The following DSCAM variants were observed in gnomAD, a reference collection of about 807,000 sequenced individuals.
DSCAM encodes DS cell adhesion molecule.
Under a neutral mutation model 217.7 loss-of-function variants are expected in DSCAM, and 47 were observed. The ratio of observed to expected loss-of-function variants is 0.22; its 90% CI spans 0.17 to 0.28. The LOEUF is 0.28. Among genes scored for constraint, DSCAM ranks in the 10% least tolerant of loss-of-function variants. The pLI is 1.00. For missense variants in DSCAM, 2,080 were observed against 2,618.3 expected (o/e 0.79, Z 4.49); for synonymous variants, 1,056 against 1,015.3 (o/e 1.04, Z -0.76).
intron 1 of DSCAM, among the ~76,000 whole-genome samples, chr21:40,735,220 C>T (rs2091051296): frequency 6.6e-6 from 1 of 152,190 alleles, no homozygotes; most frequent in Non-Finnish European, 1.5e-5. Context: ...GCTTGCATTT[C>T]TAACACCTAG....
chr21:40,600,840 T>C (rs2077056730), intron 3 of DSCAM, among the ~76,000 whole-genome samples: 1 of 152,214 alleles, frequency 6.6e-6, no homozygotes, highest in South Asian at 2.1e-4. Flanking sequence ...TTTGTCAATA[T>C]TCAGTTGAAT....
chr21:40,464,960 C>T (rs930664268), intron 3 of DSCAM, among the ~76,000 whole-genome samples: 4 of 151,998 alleles, frequency 2.6e-5, no homozygotes, highest in Admixed American at 6.6e-5. Context: ...AGGATGGTAT[C>T]GATCTCTTTA....
chr21:40,788,191 C>T (rs976505976), intron 1 of DSCAM, among the ~76,000 whole-genome samples: 5 of 152,002 alleles, frequency 3.3e-5, no homozygotes, highest in Non-Finnish European at 5.9e-5. Flanking sequence ...AACATTATGA[C>T]TCAAGTAGAC....
rs1462972686 is a variant in DSCAM, at chr21:40,642,058, AAC to A, written c.508+50750_508+50751del. 2.1e-3 allele frequency among the ~76,000 whole-genome samples: 168 copies of A among 78,682 alleles called. 1 individual carries two copies. The highest frequency in any genetic ancestry group is 7.8e-3 in the African/African-American group (152 of 19,540). The allele number at this position is 78,682 out of a possible 152,430, so 51.6% of individuals were successfully genotyped here. A position where few individuals can be genotyped will look rare whatever the true frequency, so the allele number is the denominator to read the frequency against. The stretch of plus-strand genomic sequence containing the variant: ...ACTCTGTCTCAAAAAAAAAAAAAAA[AAC>A]AAAGATTATATTCATGTATTCCTGT... On this transcript the variant is annotated intron_variant, in intron 3 of 32. Transcript: ENST00000400454.
chr21:40,087,861 C>T (rs945423572), intron 21 of DSCAM, among the ~76,000 whole-genome samples: 2 of 152,176 alleles, frequency 1.3e-5, no homozygotes, highest in Non-Finnish European at 2.9e-5. Context: ...GATGCCCAAA[C>T]AGGAGCATCT....
intron 18 of DSCAM, among the ~76,000 whole-genome samples, chr21:40,137,040 G>A (rs1206713897): frequency 1.3e-5 from 2 of 151,904 alleles, no homozygotes; most frequent in Non-Finnish European, 2.9e-5. Context: ...CTGGCGTGGT[G>A]GTGGGCACCT....
chr21:40,266,236 A>G (rs1214124715), intron 11 of DSCAM, among the ~76,000 whole-genome samples: 3 of 90,988 alleles, frequency 3.3e-5, no homozygotes, highest in Non-Finnish European at 5.8e-5. Flanking sequence ...ATGGCCAAAA[A>G]CGTGTGAAAA....
rs758386936 is a variant in DSCAM at position 40,349,136 on chromosome 21, CAAAAAA to C, written c.935-1197_935-1192del. Among the ~76,000 whole-genome samples, 12 of 38,720 alleles carry C rather than the reference CAAAAAA, an allele frequency of 3.1e-4. 2 individuals carry two copies. Among genetic ancestry groups the C allele is most frequent in the Admixed American group, 3.1e-3 (8 of 2,618 alleles). 25.4% of individuals were successfully genotyped at this position (38,720 alleles called of 152,430 possible). A position where few individuals can be genotyped will look rare whatever the true frequency, so the allele number is the denominator to read the frequency against. ...TGGGGGACAGAGTGAGACTCCATCTCAAAAAAAAAAAAAAAAAAAGAAATGCAACAT... is the reference window on the plus strand; with the variant it reads ...TGGGGGACAGAGTGAGACTCCATCTCAAAAAAAAAAAAAGAAATGCAACAT... On this transcript the variant is annotated intron_variant, in intron 5 of 32. Transcript: ENST00000400454.
At chr21:40,535,924 C>T (rs1055100986) in intron 3 of DSCAM, among the ~76,000 whole-genome samples, 1 of 152,136 alleles carries the variant, frequency 6.6e-6, no homozygotes, top group South Asian at 2.1e-4. Flanking sequence ...GAAAAAAACA[C>T]CTACTTGGTT....
At chr21:40,468,914 G>A (rs899086972) in intron 3 of DSCAM, among the ~76,000 whole-genome samples, 1 of 152,150 alleles carries the variant, frequency 6.6e-6, no homozygotes, top group African/African-American at 2.4e-5. Context: ...AAGGTGGAAA[G>A]AGTAGGAATG....
At chr21:40,643,503 C>G (rs1165351501) in intron 3 of DSCAM, among the ~76,000 whole-genome samples, 1 of 152,188 alleles carries the variant, frequency 6.6e-6, no homozygotes, top group Non-Finnish European at 1.5e-5. Flanking sequence ...GGTCACCCAC[C>G]AATTTCAGAG....
At chr21:40,365,120 T>C (rs966419473) in intron 4 of DSCAM, among the ~76,000 whole-genome samples, 2 of 152,052 alleles carry the variant, frequency 1.3e-5, no homozygotes, top group Non-Finnish European at 2.9e-5. Context: ...GTCAACTTAA[T>C]TGGATTGAAG....
intron 10 of DSCAM, among the ~76,000 whole-genome samples, chr21:40,285,549 G>A (rs577552161): frequency 4.6e-5 from 7 of 152,252 alleles, no homozygotes; most frequent in African/African-American, 1.4e-4. Context: ...AGGAAGGCAG[G>A]TTTTCTGCTC....
chr21:40,109,438 G>T (rs1440272509), intron 20 of DSCAM, among the ~76,000 whole-genome samples: 2 of 152,196 alleles, frequency 1.3e-5, no homozygotes, highest in African/African-American at 4.8e-5. Context: ...TCAGTGGTGT[G>T]GAGCCAAGAT....
At chr21:40,765,689 T>A (rs555904048) in intron 1 of DSCAM, among the ~76,000 whole-genome samples, 2 of 152,138 alleles carry the variant, frequency 1.3e-5, no homozygotes, top group Non-Finnish European at 2.9e-5. Flanking sequence ...CCAGAAAAAA[T>A]TAGTTCAGGG....
chr21:40,338,479 G>A (rs185880581), intron 7 of DSCAM, 103 bp from the exon 8 acceptor site: 3 of 1,211,430 alleles, frequency 2.5e-6, no homozygotes, highest in Admixed American at 5.9e-5. Context: ...TTATATTCAT[G>A]TAAGCACATC....
intron 3 of DSCAM, among the ~76,000 whole-genome samples, chr21:40,572,060 G>C (rs1264512193): frequency 6.6e-6 from 1 of 150,402 alleles, no homozygotes; most frequent in Non-Finnish European, 1.5e-5. Flanking sequence ...CTTGGGATAA[G>C]GGATACTCAA....
At chr21:40,105,229 G>T (rs973039613) in intron 20 of DSCAM, among the ~76,000 whole-genome samples, 3 of 152,134 alleles carry the variant, frequency 2.0e-5, no homozygotes, top group Non-Finnish European at 4.4e-5. Context: ...TTCACATAAT[G>T]CCTAGTGGAC....
At chr21:40,070,663 C>T (rs2089281537) in intron 27 of DSCAM, among the ~76,000 whole-genome samples, 1 of 152,168 alleles carries the variant, frequency 6.6e-6, no homozygotes, top group African/African-American at 2.4e-5. Context: ...TCACTGGGTT[C>T]CTGGATGCAC....
Sources: gnomAD v4.1 joint callset for allele counts (sites outside exome capture counted in the v4.1 genomes callset) on GRCh38, gnomAD v4.1.1 for gene constraint, MANE v1.5 for transcripts, NCBI Gene and HGNC (gene_info 2026-07-23, HGNC 2026-07-21) for gene names.